The following ZNF804A variants were observed in gnomAD, a reference collection of about 807,000 sequenced individuals.
ZNF804A encodes zinc finger protein 804A.
ZNF804A carries 2 observed loss-of-function variants against 16.5 expected under a neutral mutation model. The observed-to-expected ratio is 0.12, with a 90% confidence interval of 0.05 to 0.38. The LOEUF is 0.38. Ranked by LOEUF, ZNF804A falls within the 10% of genes least tolerant of loss-of-function variation. The pLI, the probability that ZNF804A is intolerant of heterozygous loss-of-function variation, is 0.99. For missense variants in ZNF804A, 1,473 were observed against 1,390.7 expected (o/e 1.06, Z -0.94); for synonymous variants, 534 against 489.6 (o/e 1.09, Z -1.20).
chr2:184,912,131 A>T (rs1298681551), intron 2 of ZNF804A, among the ~76,000 whole-genome samples: 2 of 152,004 alleles, frequency 1.3e-5, no homozygotes, highest in Non-Finnish European at 2.9e-5. Flanking sequence ...ACAACTCTCT[A>T]AACTTTATAC....
chr2:184,647,965 A>C (rs1435926167), intron 1 of ZNF804A, among the ~76,000 whole-genome samples: 2 of 152,152 alleles, frequency 1.3e-5, no homozygotes, highest in Admixed American at 6.5e-5. Flanking sequence ...CTAAAGAAAA[A>C]ATGTTAAAGA....
At chr2:184,822,317 C>T (rs1375260769) in intron 1 of ZNF804A, among the ~76,000 whole-genome samples, 2 of 152,050 alleles carry the variant, frequency 1.3e-5, no homozygotes, top group South Asian at 4.2e-4. Context: ...GAACAGAAAA[C>T]CAAACACCAC....
At chr2:184,626,662 T>C (rs1691505467) in intron 1 of ZNF804A, among the ~76,000 whole-genome samples, 1 of 152,196 alleles carries the variant, frequency 6.6e-6, no homozygotes. Flanking sequence ...TCTTTATGGC[T>C]GAAGAGAATA....
chr2:184,874,248 T>C (rs1157490194), intron 2 of ZNF804A, among the ~76,000 whole-genome samples: 1 of 152,084 alleles, frequency 6.6e-6, no homozygotes, highest in African/African-American at 2.4e-5. Flanking sequence ...CAAGAGGTGA[T>C]GTAGGATGAT....
At chr2:184,864,738 C>A (rs745550433) in intron 1 of ZNF804A, among the ~76,000 whole-genome samples, 8 of 152,128 alleles carry the variant, frequency 5.3e-5, no homozygotes, top group South Asian at 4.1e-4. Flanking sequence ...TAATTTCAGA[C>A]TATAAGTCCT....
intron 1 of ZNF804A, among the ~76,000 whole-genome samples, chr2:184,844,503 G>GT (rs1244791648): frequency 2.0e-5 from 3 of 151,388 alleles, no homozygotes; most frequent in African/African-American, 4.9e-5. Context: ...CTAGGTTGTT[G>GT]TTTTTTCTTT....
intron 1 of ZNF804A, among the ~76,000 whole-genome samples, chr2:184,817,327 T>C (rs1694999219): frequency 6.6e-6 from 1 of 151,648 alleles, no homozygotes; most frequent in Non-Finnish European, 1.5e-5. Context: ...GGCCTGACTG[T>C]TAAAATAAAA....
intron 2 of ZNF804A, among the ~76,000 whole-genome samples, chr2:184,890,213 A>T (rs896197414): frequency 2.6e-5 from 4 of 152,164 alleles, no homozygotes; most frequent in Non-Finnish European, 5.9e-5. Flanking sequence ...GGTAATTTTT[A>T]AAAATGTTAC....
At position 184,793,289 on chromosome 2, in the gene ZNF804A, C is replaced by T. The variant is rs190201299; in HGVS notation, c.112-73080C>T. Among the ~76,000 whole-genome samples, 6 of 152,172 alleles carry T rather than the reference C, an allele frequency of 3.9e-5. No individual in the cohort carries two copies. The East Asian group carries it at 7.8e-4, about 20-fold the overall frequency. ...ATGTACTTTCCTTTGGATATATACC[C>T]GGAAATGAGATTGCTGAGTCAAACA... On this transcript the variant is annotated intron_variant, in intron 1 of 3. Transcript: ENST00000302277.
chr2:184,654,182 G>T (rs1692037872), intron 1 of ZNF804A, among the ~76,000 whole-genome samples: 1 of 152,192 alleles, frequency 6.6e-6, no homozygotes, highest in Admixed American at 6.5e-5. Flanking sequence ...CTATAGCCCG[G>T]TTCTGATGCC....
At chr2:184,636,884 CTCTCT>C (rs747961094) in intron 1 of ZNF804A, among the ~76,000 whole-genome samples, 48 of 152,184 alleles carry the variant, frequency 3.2e-4, no homozygotes, top group Middle Eastern at 6.8e-3. Context: ...CTTAAGAATT[CTCTCT>C]TCTCTATCTA....
At chr2:184,681,013 C>A (rs372854682) in intron 1 of ZNF804A, among the ~76,000 whole-genome samples, 1 of 152,238 alleles carries the variant, frequency 6.6e-6, no homozygotes, top group Non-Finnish European at 1.5e-5. Context: ...TGGAGCTGAC[C>A]ATCCCACCAC....
intron 1 of ZNF804A, among the ~76,000 whole-genome samples, chr2:184,762,495 T>C (rs538781169): frequency 8.5e-5 from 13 of 152,056 alleles, no homozygotes; most frequent in African/African-American, 2.9e-4. Flanking sequence ...TAAAAAATAT[T>C]GTGTCTTTTT....
intron 1 of ZNF804A, among the ~76,000 whole-genome samples, chr2:184,710,078 T>C (rs1415874271): frequency 2.6e-5 from 4 of 151,346 alleles, no homozygotes; most frequent in South Asian, 4.1e-4. Flanking sequence ...TTATTCTTTT[T>C]CTTAATACAA....
intron 1 of ZNF804A, among the ~76,000 whole-genome samples, chr2:184,827,825 T>C (rs919823062): frequency 6.6e-6 from 1 of 151,810 alleles, no homozygotes; most frequent in Admixed American, 6.6e-5. Flanking sequence ...TGGTAATGGG[T>C]GTATAATACC....
chr2:184,870,776 A>T (rs1246485111), intron 2 of ZNF804A, among the ~76,000 whole-genome samples: 1 of 152,048 alleles, frequency 6.6e-6, no homozygotes, highest in Non-Finnish European at 1.5e-5. Flanking sequence ...TTAAACTTAG[A>T]TAAAACTATT....
chr2:184,611,395 A>G (rs1157855973), intron 1 of ZNF804A, among the ~76,000 whole-genome samples: 1 of 152,044 alleles, frequency 6.6e-6, no homozygotes. Context: ...AGCCCTAAAT[A>G]TTTTAGGGCT....
At chr2:184,786,321 A>T (rs1694448997) in intron 1 of ZNF804A, among the ~76,000 whole-genome samples, 1 of 152,028 alleles carries the variant, frequency 6.6e-6, no homozygotes, top group Admixed American at 6.6e-5. Context: ...TATTAAAAAA[A>T]TTGAAACATT....
At chr2:184,775,211 A>T (rs1356141421) in intron 1 of ZNF804A, among the ~76,000 whole-genome samples, 1 of 151,650 alleles carries the variant, frequency 6.6e-6, no homozygotes, top group Admixed American at 6.6e-5. Flanking sequence ...ATTTAAGTAA[A>T]CTTTTTAAAT....
Sources: gnomAD v4.1 joint callset for allele counts (sites outside exome capture counted in the v4.1 genomes callset) on GRCh38, gnomAD v4.1.1 for gene constraint, MANE v1.5 for transcripts, NCBI Gene and HGNC (gene_info 2026-07-23, HGNC 2026-07-21) for gene names.